Variants in MYBL2 observed in about 807,000 individuals in gnomAD.
MYBL2 encodes the protein myb-related protein B.
Under a neutral mutation model 79.9 loss-of-function variants are expected in MYBL2, and 28 were observed. The observed-to-expected ratio is 0.35, with a 90% CI of 0.26 to 0.48. The LOEUF (loss-of-function observed/expected upper bound fraction) is 0.48, where lower values mean the gene tolerates loss of function less well. Among genes scored for constraint, MYBL2 ranks in the 20% least tolerant of loss-of-function variants. The pLI is 0.99. For synonymous variants in MYBL2, 378 were observed against 361.2 expected, an observed-to-expected ratio of 1.05 and a Z score of -0.53; for missense variants, 735 against 893.9, an observed-to-expected ratio of 0.82 and a Z score of 2.27.
At chr20:43,698,578 C>T (rs888314192) in intron 6 of MYBL2, among the ~76,000 whole-genome samples, 9 of 150,920 alleles carry the variant, frequency 6.0e-5, no homozygotes, top group East Asian at 1.9e-4. Flanking sequence ...GGGGTTTCAC[C>T]GTGTTAGCCA....
chr20:43,698,344 C>G (rs1228462279), intron 6 of MYBL2, among the ~76,000 whole-genome samples: 3 of 140,692 alleles, frequency 2.1e-5, no homozygotes, highest in Non-Finnish European at 4.5e-5. Flanking sequence ...GCCACCACGC[C>G]CCGCATATTT....
At chr20:43,674,227 C>CCT (rs1555809917) in intron 2 of MYBL2, among the ~76,000 whole-genome samples, 1 of 109,472 alleles carries the variant, frequency 9.1e-6, no homozygotes, top group Non-Finnish European at 2.0e-5. Flanking sequence ...CTGTAACTCC[C>CCT]CCCACCCTTT....
chr20:43,694,941 C>T (rs911597464), intron 6 of MYBL2, among the ~76,000 whole-genome samples: 1 of 152,134 alleles, frequency 6.6e-6, no homozygotes, highest in Non-Finnish European at 1.5e-5. Context: ...CAGTTATTGA[C>T]TTGGCTTTTG....
rs759373346 is a variant in MYBL2, at chr20:43,713,008, C to T, written c.1726C>T (p.Arg576Trp). 8.7e-6 allele frequency: 14 copies of T among 1,609,714 alleles called. No individual in the cohort carries two copies. The highest frequency in any genetic ancestry group is 1.7e-5 in the Admixed American group (1 of 59,532). The change falls in exon 12 of 14, where the codon CGG becomes TGG. Residue 576 changes from arginine (R) to tryptophan (W), a missense_variant. This residue lies in a region of MYBL2 where 204 missense variants were observed against 202.9 expected (regional missense o/e 1.01). Transcript: ENST00000217026. The stretch of plus-strand genomic sequence containing the variant: ...TCTATCTGCCAACCCCTAGCTGCGG[C>T]GGAGCCCCATCAAGAAAGTCCGGAA... ...EKQKRKPGLR[R>W]SPIKKVRKSL...
chr20:43,691,122 C>T (rs1425198344), intron 5 of MYBL2, among the ~76,000 whole-genome samples: 3 of 152,170 alleles, frequency 2.0e-5, no homozygotes, highest in Non-Finnish European at 4.4e-5. Flanking sequence ...CAGTTCTGGG[C>T]CTTCTGCCCT....
chr20:43,703,271 T>A (rs1218566191), intron 8 of MYBL2, among the ~76,000 whole-genome samples: 1 of 152,152 alleles, frequency 6.6e-6, no homozygotes, highest in Non-Finnish European at 1.5e-5. Context: ...TGATGGGTTG[T>A]CTCCAGCACT....
chr20:43,691,604 A>G (rs1209841378), intron 5 of MYBL2, among the ~76,000 whole-genome samples: 3 of 150,398 alleles, frequency 2.0e-5, no homozygotes, highest in Admixed American at 2.0e-4. Flanking sequence ...CAATGGCATC[A>G]TCTTGGCTAA....
chr20:43,695,822 G>A (rs530577944), intron 6 of MYBL2, among the ~76,000 whole-genome samples: 7 of 152,202 alleles, frequency 4.6e-5, no homozygotes, highest in African/African-American at 9.6e-5. Context: ...CAGGCCAGGC[G>A]TCATGGCTTA....
chr20:43,673,210 G>A (rs1158442318), intron 1 of MYBL2, among the ~76,000 whole-genome samples: 1 of 148,666 alleles, frequency 6.7e-6, no homozygotes, highest in Non-Finnish European at 1.5e-5. Flanking sequence ...CTCCCAAAGT[G>A]CTGGGATTAC....
At chr20:43,673,462 C>A (rs1986915047) in intron 1 of MYBL2, among the ~76,000 whole-genome samples, 1 of 151,566 alleles carries the variant, frequency 6.6e-6, no homozygotes, top group Admixed American at 6.6e-5. Context: ...TATGGTGAGA[C>A]CCCGTCTCTA....
intron 6 of MYBL2, among the ~76,000 whole-genome samples, chr20:43,692,934 C>CT (rs1987447203): frequency 6.6e-6 from 1 of 152,140 alleles, no homozygotes; most frequent in Admixed American, 6.6e-5. Flanking sequence ...TTTTCTTAGC[C>CT]TTTTTTCGGC....
chr20:43,711,472 C>T lies in MYBL2; in HGVS notation c.1606-16C>T. 6.2e-7 allele frequency: 1 copy of T among 1,602,192 alleles called. No individual in the cohort carries two copies. Among genetic ancestry groups the T allele is most frequent in the Non-Finnish European group, 8.5e-7 (1 of 1,172,366 alleles). On this transcript the variant is annotated splice_polypyrimidine_tract_variant and intron_variant, in intron 10 of 13. Coordinates refer to ENST00000217026, the MANE Select transcript of MYBL2 (RefSeq NM_002466.4). ...AGTGTGGTGCCTCACGTGGGCTGCC[C>T]CGTGCCTACCCACAGCCACAGACCC... is the stretch of plus-strand genomic sequence containing the variant.
chr20:43,715,338 G>T lies in MYBL2; in HGVS notation c.1974+55G>T, dbSNP rs1988008050. The stretch of plus-strand genomic sequence containing the variant: ...TGCAGTGCCCGCCTTCTTAGCTCAG[G>T]GCTGAGTGCTGGCCATCCCTGGGGG... On this transcript the variant is annotated intron_variant, in intron 13 of 13. Coordinates refer to ENST00000217026, the MANE Select transcript of MYBL2 (RefSeq NM_002466.4). 4.3e-6 allele frequency: 7 copies of T among 1,609,210 alleles called. No individual in the cohort carries two copies. In the South Asian group the frequency reaches 6.6e-5, roughly 15 times the overall value.
intron 1 of MYBL2, 69 bp downstream of exon 1, chr20:43,667,372 C>T (rs1445050137): frequency 1.8e-6 from 2 of 1,084,164 alleles, no homozygotes; most frequent in Non-Finnish European, 2.3e-6. Context: ...ACCCAGATAC[C>T]CCCGACCCTC....
rs929611757 is a variant in MYBL2 at position 43,678,028 on chromosome 20, C to T, written c.115-3756C>T. Among the ~76,000 whole-genome samples, 11 of 152,316 alleles carry T rather than the reference C, an allele frequency of 7.2e-5. 1 individual carries two copies. The highest frequency in any genetic ancestry group is 1.2e-4 in the African/African-American group (5 of 41,564). Reference sequence around the variant, plus strand: ...ACCCCCAACCCTGTGCTCTCTGAAACGTGCTGTGTCCACTCAGGGTTAAAT... The same window carrying T: ...ACCCCCAACCCTGTGCTCTCTGAAATGTGCTGTGTCCACTCAGGGTTAAAT... On this transcript the variant is annotated intron_variant, in intron 2 of 13. Transcript: ENST00000217026.
Position 43,687,254 on chromosome 20 carries a change from C to T in MYBL2, c.500+182C>T, listed in dbSNP as rs532014901. Among the ~76,000 whole-genome samples, 25 of 152,236 alleles carry T rather than the reference C, an allele frequency of 1.6e-4. No individual in the cohort carries two copies. The South Asian group carries it at 5.2e-3, about 32-fold the overall frequency. On this transcript the variant is annotated intron_variant, in intron 5 of 13. Transcript: ENST00000217026. Reference sequence around the variant, plus strand: ...GGAAGGGTGGTTCCCCAGGGAAGGCCCTGTCTTCTGTCAGCTTAAAAGAAC... The same window carrying T: ...GGAAGGGTGGTTCCCCAGGGAAGGCTCTGTCTTCTGTCAGCTTAAAAGAAC...
At chr20:43,692,385 C>T (rs1987434067) in intron 6 of MYBL2, 66 bp downstream of exon 6, 2 of 1,580,670 alleles carry the variant, frequency 1.3e-6, no homozygotes. Context: ...TCTCATTGAA[C>T]ACCTTGTCCA....
chr20:43,680,691 C>T (rs1453425515), intron 2 of MYBL2, among the ~76,000 whole-genome samples: 5 of 152,040 alleles, frequency 3.3e-5, no homozygotes, highest in African/African-American at 7.2e-5. Flanking sequence ...GATGGGGTTT[C>T]GCCATATTGG....
chr20:43,687,960 C>T (rs903849909), intron 5 of MYBL2, among the ~76,000 whole-genome samples: 22 of 145,442 alleles, frequency 1.5e-4, no homozygotes, highest in East Asian at 2.1e-4. Flanking sequence ...TGCAGTGAGC[C>T]GAGATCATAT....
Sources: gnomAD v4.1 joint callset for allele counts (sites outside exome capture counted in the v4.1 genomes callset) on GRCh38, gnomAD v4.1.1 for gene constraint, gnomAD v4.1.1 regional missense constraint, MANE v1.5 for transcripts, NCBI Gene and HGNC (gene_info 2026-07-23, HGNC 2026-07-21) for gene names.